Variants in SV2C observed in about 807,000 individuals in gnomAD.
SV2C encodes the protein solute carrier family 22 member B3.
SV2C carries 49 observed loss-of-function variants against 79.7 expected under a neutral mutation model. That is an observed-to-expected ratio of 0.61 (90% CI 0.49 to 0.78). SV2C has a LOEUF of 0.78. Ranked by LOEUF, SV2C falls within the 30% of genes least tolerant of loss-of-function variation. SV2C has a pLI of 0.00. For missense variants in SV2C, 833 were observed against 912.9 expected (o/e 0.91, Z 1.13); for synonymous variants, 334 against 333.2 (o/e 1.00, Z -0.03).
At chr5:76,207,778 G>A (rs1364400093) in intron 3 of SV2C, among the ~76,000 whole-genome samples, 1 of 152,134 alleles carries the variant, frequency 6.6e-6, no homozygotes, top group African/African-American at 2.4e-5. Flanking sequence ...CAGCCTGGTG[G>A]AGTCTCATGG....
intron 4 of SV2C, among the ~76,000 whole-genome samples, chr5:76,229,020 C>G (rs1371837209): frequency 6.6e-6 from 1 of 152,236 alleles, no homozygotes; most frequent in Non-Finnish European, 1.5e-5. Context: ...TCAAACATTC[C>G]TCAAGTTCAA....
At chr5:76,283,512 AAAG>A (rs1162058951) in intron 4 of SV2C, among the ~76,000 whole-genome samples, 3 of 152,208 alleles carry the variant, frequency 2.0e-5, no homozygotes, top group Non-Finnish European at 4.4e-5. Flanking sequence ...GAGCTTTTAA[AAAG>A]AAGTTCTTTA....
intron 2 of SV2C, among the ~76,000 whole-genome samples, chr5:76,169,555 T>A (rs1264561867): frequency 6.6e-6 from 1 of 152,234 alleles, no homozygotes; most frequent in Admixed American, 6.5e-5. Flanking sequence ...GTTATGTTTC[T>A]CAGTAGCACT....
At chr5:76,274,536 A>G (rs1032549425) in intron 4 of SV2C, among the ~76,000 whole-genome samples, 2 of 152,140 alleles carry the variant, frequency 1.3e-5, no homozygotes, top group Non-Finnish European at 2.9e-5. Flanking sequence ...GACATTTTCC[A>G]TATATCTGTT....
chr5:76,255,559 C>T (rs1746237937), intron 4 of SV2C, among the ~76,000 whole-genome samples: 1 of 152,170 alleles, frequency 6.6e-6, no homozygotes. Flanking sequence ...CCCCACTGTC[C>T]TAGCTTGGAT....
At chr5:76,303,778 G>A (rs1748092313) in intron 12 of SV2C, among the ~76,000 whole-genome samples, 1 of 152,158 alleles carries the variant, frequency 6.6e-6, no homozygotes, top group Non-Finnish European at 1.5e-5. Context: ...ATTAATTCAG[G>A]TCCTCCATGA....
the SV2C span, among the ~76,000 whole-genome samples, chr5:75,868,473 C>A: frequency 6.6e-6 from 1 of 152,050 alleles, no homozygotes; most frequent in Non-Finnish European, 1.5e-5. Flanking sequence ...GGGTCGCTCT[C>A]GTAAACAATA....
intron 2 of SV2C, among the ~76,000 whole-genome samples, chr5:76,189,552 A>G (rs1015167385): frequency 1.3e-5 from 2 of 152,210 alleles, no homozygotes; most frequent in Non-Finnish European, 2.9e-5. Context: ...GCAGGAAAAC[A>G]TGCAAAAATA....
chr5:76,032,089 G>A, the SV2C span, among the ~76,000 whole-genome samples: 3 of 152,194 alleles, frequency 2.0e-5, no homozygotes, highest in Admixed American at 2.0e-4. Flanking sequence ...CCTTTTGAAT[G>A]AGATGGAGTA....
chr5:76,032,774 G>A, the SV2C span, among the ~76,000 whole-genome samples: 2 of 152,034 alleles, frequency 1.3e-5, no homozygotes, highest in Non-Finnish European at 2.9e-5. Flanking sequence ...GTAATGGGAT[G>A]GCTGGGTCAA....
chr5:75,924,072 C>G, the SV2C span, among the ~76,000 whole-genome samples: 3 of 152,148 alleles, frequency 2.0e-5, no homozygotes, highest in Admixed American at 2.0e-4. Context: ...GAATACTACT[C>G]AGCAATAAAA....
At chr5:76,087,635 C>T (rs1747242597) in intron 1 of SV2C, among the ~76,000 whole-genome samples, 1 of 152,152 alleles carries the variant, frequency 6.6e-6, no homozygotes, top group South Asian at 2.1e-4. Context: ...CCAGAATGTG[C>T]TGTTTATCAA....
chr5:76,257,852 T>C (rs1381639662), intron 4 of SV2C, among the ~76,000 whole-genome samples: 1 of 150,364 alleles, frequency 6.7e-6, no homozygotes, highest in African/African-American at 2.5e-5. Context: ...GTGGTAGGTG[T>C]ATGTGGTGTG....
the SV2C span, chr5:75,920,742 C>A: frequency 5.2e-6 from 4 of 773,638 alleles, no homozygotes; most frequent in African/African-American, 1.7e-5. Context: ...CTTGAAGGTG[C>A]GGTTCAGGAG....
chr5:75,912,579 A>T, the SV2C span, among the ~76,000 whole-genome samples: 1 of 152,168 alleles, frequency 6.6e-6, no homozygotes, highest in Non-Finnish European at 1.5e-5. Flanking sequence ...ATATGCAACT[A>T]TTGGAGCAAG....
intron 4 of SV2C, among the ~76,000 whole-genome samples, chr5:76,223,857 T>G (rs138582535): frequency 5.5e-4 from 83 of 152,222 alleles, no homozygotes; most frequent in African/African-American, 1.9e-3. Flanking sequence ...AGTTCAAGAT[T>G]AACATGTCGG....
chr5:76,261,603 T>C (rs1021032757), intron 4 of SV2C, among the ~76,000 whole-genome samples: 3 of 152,210 alleles, frequency 2.0e-5, no homozygotes, highest in African/African-American at 4.8e-5. Context: ...ATTTATTATT[T>C]TGAGGTATGT....
chr5:76,042,690 C>T, the SV2C span, among the ~76,000 whole-genome samples: 1 of 152,204 alleles, frequency 6.6e-6, no homozygotes, highest in African/African-American at 2.4e-5. Context: ...CCTGTTATTC[C>T]AAATGCAGTG....
the SV2C span, among the ~76,000 whole-genome samples, chr5:76,013,162 T>C: frequency 0.019 from 2,937 of 152,300 alleles, 53 homozygotes; most frequent in Middle Eastern, 0.054. Flanking sequence ...GGTAGCTTGA[T>C]GGGGATAGCA....
Sources: allele counts gnomAD v4.1 joint callset (sites outside exome capture counted in the v4.1 genomes callset), GRCh38; gene constraint gnomAD v4.1.1; transcripts MANE v1.5; gene names NCBI Gene and HGNC (gene_info 2026-07-23, HGNC 2026-07-21).